ATXN7: variants seen among roughly 807,000 people sequenced by gnomAD.
ATXN7 encodes ataxin 7.
A neutral mutation model predicts 70.5 loss-of-function variants in ATXN7; 12 were observed. The ratio of observed to expected loss-of-function variants is 0.17; its 90% CI spans 0.11 to 0.28. The LOEUF (loss-of-function observed/expected upper bound fraction) is 0.28, where lower values mean the gene tolerates loss of function less well. Among genes scored for constraint, ATXN7 ranks in the 10% least tolerant of loss-of-function variants. The pLI, the probability that ATXN7 is intolerant of heterozygous loss-of-function variation, is 1.00. For synonymous variants in ATXN7, 498 were observed against 448.7 expected (o/e 1.11, Z -1.39); for missense variants, 1,256 against 1,131.7 (o/e 1.11, Z -1.58).
intron 4 of ATXN7, among the ~76,000 whole-genome samples, chr3:63,940,732 G>A (rs1441774303): frequency 6.6e-6 from 1 of 152,130 alleles, no homozygotes; most frequent in East Asian, 1.9e-4. Context: ...ATGCCTAGAT[G>A]TGCCTAGAGG....
chr3:63,976,998 A>T (rs2075399168), intron 5 of ATXN7, among the ~76,000 whole-genome samples: 2 of 152,206 alleles, frequency 1.3e-5, no homozygotes, highest in Admixed American at 1.3e-4. Flanking sequence ...CTTGACTGTG[A>T]AGTCATGGAA....
chr3:63,986,998 C>T (rs2075588274), intron 8 of ATXN7, among the ~76,000 whole-genome samples: 1 of 152,176 alleles, frequency 6.6e-6, no homozygotes, highest in Non-Finnish European at 1.5e-5. Flanking sequence ...AACTCATCCA[C>T]TCCTCAGGAT....
At chr3:63,876,627 G>C (rs564338871) in intron 1 of ATXN7, among the ~76,000 whole-genome samples, 1 of 152,066 alleles carries the variant, frequency 6.6e-6, no homozygotes, top group Non-Finnish European at 1.5e-5. Flanking sequence ...ACTATAAATG[G>C]CACTAAACTG....
chr3:63,960,746 T>A (rs2075115489), intron 5 of ATXN7, among the ~76,000 whole-genome samples: 1 of 152,168 alleles, frequency 6.6e-6, no homozygotes, highest in South Asian at 2.1e-4. Flanking sequence ...TTTAATGAGG[T>A]GCACTGACCT....
At chr3:63,994,629 C>T (rs899140113) in intron 11 of ATXN7, among the ~76,000 whole-genome samples, 1 of 152,208 alleles carries the variant, frequency 6.6e-6, no homozygotes, top group Non-Finnish European at 1.5e-5. Flanking sequence ...ATCACCTGGG[C>T]AGCAGTCTAG....
chr3:63,903,483 T>G (rs1703724337), intron 2 of ATXN7, among the ~76,000 whole-genome samples: 1 of 152,154 alleles, frequency 6.6e-6, no homozygotes, highest in Admixed American at 6.5e-5. Context: ...TGCACTTCTT[T>G]CGTTTGGACC....
At chr3:63,990,578 C>T (rs2075654284) in intron 10 of ATXN7, 160 bp from the exon 11 acceptor site, 6 of 1,270,648 alleles carry the variant, frequency 4.7e-6, no homozygotes, top group East Asian at 4.7e-5. Context: ...TCTTCCATGA[C>T]GCTCAGGGCT....
chr3:63,863,354 C>T, upstream of ATXN7: 1 of 779,770 alleles, frequency 1.3e-6, no homozygotes, highest in South Asian at 5.9e-5. Flanking sequence ...CTAAGCCCGG[C>T]ACCACTGTCC....
rs759647214 is a variant in ATXN7 at position 63,928,074 on chromosome 3, C to G, written c.394+14849C>G. ...CAATTAATTTTTTTATTCATCAGTG[C>G]TGGGTAGTCTTTGTAGAAATTTCAC... On this transcript the variant is annotated intron_variant, in intron 4 of 12. Coordinates refer to ENST00000674280, the MANE Select transcript of ATXN7 (RefSeq NM_001377405.1). Among the ~76,000 whole-genome samples, 5 of 152,288 alleles carry G rather than the reference C, an allele frequency of 3.3e-5. No individual in the cohort carries two copies. The South Asian group carries it at 6.2e-4, about 19-fold the overall frequency.
intron 4 of ATXN7, among the ~76,000 whole-genome samples, chr3:63,944,716 A>G (rs2074828611): frequency 6.6e-6 from 1 of 152,196 alleles, no homozygotes; most frequent in Non-Finnish European, 1.5e-5. Flanking sequence ...GGACCTTGAG[A>G]CAAACATTTC....
intron 8 of ATXN7, among the ~76,000 whole-genome samples, chr3:63,986,166 C>G (rs569604838): frequency 6.6e-6 from 1 of 152,254 alleles, no homozygotes; most frequent in Admixed American, 6.5e-5. Context: ...GAGCAAATTC[C>G]TTAGAACCTT....
chr3:63,945,062 G>A (rs1015374773), intron 4 of ATXN7, among the ~76,000 whole-genome samples: 27 of 152,320 alleles, frequency 1.8e-4, no homozygotes, highest in African/African-American at 4.8e-4. Flanking sequence ...GAAGTGCTGG[G>A]ATTACAGGCA....
At chr3:63,921,993 A>T (rs1423757160) in intron 4 of ATXN7, among the ~76,000 whole-genome samples, 2 of 152,118 alleles carry the variant, frequency 1.3e-5, no homozygotes, top group East Asian at 3.9e-4. Flanking sequence ...GGCATGACAG[A>T]GTGTAGCAAA....
rs545080219 is a variant in ATXN7 at position 63,883,959 on chromosome 3, G to A, written c.-110-14440G>A. Among the ~76,000 whole-genome samples the A allele has an allele frequency of 1.1e-4, 17 of 152,164 alleles. 1 individual carries two copies. In the South Asian group the frequency reaches 3.1e-3, roughly 28 times the overall value. On this transcript the variant is annotated intron_variant, in intron 1 of 12. Transcript: ENST00000674280. The stretch of plus-strand genomic sequence containing the variant: ...ATTACCAAGCTTGATTGATTACCAA[G>A]CATCCTTTTTGTGATTTATTATTTT...
At chr3:63,959,234 T>C (rs2075084790) in intron 5 of ATXN7, among the ~76,000 whole-genome samples, 1 of 152,234 alleles carries the variant, frequency 6.6e-6, no homozygotes. Flanking sequence ...GAGAATTGGC[T>C]GACATGTTTA....
chr3:63,959,363 T>A (rs1409579400), intron 5 of ATXN7, among the ~76,000 whole-genome samples: 1 of 152,170 alleles, frequency 6.6e-6, no homozygotes, highest in Non-Finnish European at 1.5e-5. Context: ...GAGCCAGGGA[T>A]GGGAGCTAAC....
At chr3:63,981,527 C>T (rs184936119) in intron 6 of ATXN7, among the ~76,000 whole-genome samples, 1 of 152,330 alleles carries the variant, frequency 6.6e-6, no homozygotes, top group Non-Finnish European at 1.5e-5. Flanking sequence ...ATGATAGTGT[C>T]AGTAAGATTC....
intron 4 of ATXN7, among the ~76,000 whole-genome samples, chr3:63,919,766 A>G (rs568709336): frequency 1.7e-4 from 17 of 100,250 alleles, no homozygotes; most frequent in African/African-American, 6.5e-4. Context: ...CCACCCCACA[A>G]CAGTCCCAGG....
intron 4 of ATXN7, among the ~76,000 whole-genome samples, chr3:63,933,129 A>C (rs2074588305): frequency 6.6e-6 from 1 of 152,164 alleles, no homozygotes; most frequent in South Asian, 2.1e-4. Flanking sequence ...TGCCCTCCAA[A>C]AAGGCTCTAC....
Sources: gnomAD v4.1 joint callset for allele counts (sites outside exome capture counted in the v4.1 genomes callset) on GRCh38, gnomAD v4.1.1 for gene constraint, MANE v1.5 for transcripts, NCBI Gene and HGNC (gene_info 2026-07-23, HGNC 2026-07-21) for gene names.